ADAMTSL3: variants seen among roughly 807,000 people sequenced by gnomAD.
The protein encoded by ADAMTSL3 is ADAMTS like 3, also known as ADAMTS-like protein 3.
Under a neutral mutation model 201.7 loss-of-function variants are expected in ADAMTSL3, and 128 were observed. That is an observed-to-expected ratio of 0.63 (90% CI 0.55 to 0.73). The LOEUF is 0.73. Ranked by LOEUF, ADAMTSL3 falls within the 30% of genes least tolerant of loss-of-function variation. The pLI is 0.00. For synonymous variants in ADAMTSL3, 738 were observed against 748.4 expected (o/e 0.99, Z 0.23); for missense variants, 1,990 against 2,119.6 (o/e 0.94, Z 1.20).
intron 7 of ADAMTSL3, among the ~76,000 whole-genome samples, chr15:83,845,261 C>T (rs533130400): frequency 6.6e-6 from 1 of 152,342 alleles, no homozygotes; most frequent in South Asian, 2.1e-4. Flanking sequence ...GTTTGCCTCT[C>T]CCACTAGTAA....
At chr15:84,014,214 CCTT>C (rs1454410831) in intron 23 of ADAMTSL3, among the ~76,000 whole-genome samples, 1 of 152,160 alleles carries the variant, frequency 6.6e-6, no homozygotes, top group Non-Finnish European at 1.5e-5. Flanking sequence ...TTCACCGACT[CCTT>C]CTTTCCAACC....
At chr15:83,700,128 A>C (rs186136977) in intron 2 of ADAMTSL3, among the ~76,000 whole-genome samples, 1 of 152,198 alleles carries the variant, frequency 6.6e-6, no homozygotes, top group Non-Finnish European at 1.5e-5. Flanking sequence ...TGCATGGTCA[A>C]CTGAATATAA....
At chr15:83,691,201 G>A (rs2061603625) in intron 2 of ADAMTSL3, among the ~76,000 whole-genome samples, 1 of 152,126 alleles carries the variant, frequency 6.6e-6, no homozygotes, top group Non-Finnish European at 1.5e-5. Flanking sequence ...TCTCCTCAGG[G>A]AACTTTTTTT....
intron 20 of ADAMTSL3, among the ~76,000 whole-genome samples, chr15:83,978,010 G>A (rs1013203981): frequency 1.3e-5 from 2 of 152,226 alleles, no homozygotes; most frequent in African/African-American, 2.4e-5. Flanking sequence ...GGGAGGAGTG[G>A]AAACCAGCAC....
intron 15 of ADAMTSL3, 94 bp from the exon 16 acceptor site, chr15:83,912,997 AT>A: frequency 1.5e-6 from 2 of 1,353,436 alleles, no homozygotes; most frequent in Non-Finnish European, 2.0e-6. Flanking sequence ...GAAGCTGGTT[AT>A]TTTTGCCTTC....
rs1567170005 is a variant in ADAMTSL3 at position 83,823,969 on chromosome 15, T to TCCTC, written c.600+3923_600+3924insCTCC. ...TTCTTCTTCTTCTTCTTCTTCTTCT[T>TCCTC]CTTCTCCTCCTCCTCCTCCTCCTTC... On this transcript the variant is annotated intron_variant, in intron 6 of 29. Coordinates refer to ENST00000286744, the MANE Select transcript of ADAMTSL3 (RefSeq NM_207517.3). Among the ~76,000 whole-genome samples the TCCTC allele has an allele frequency of 2.1e-4, 14 of 67,300 alleles. 1 individual carries two copies. The South Asian group carries it at 2.2e-3, about 11-fold the overall frequency. 44.2% of individuals were successfully genotyped at this position (67,300 alleles called of 152,430 possible).
chr15:83,872,680 G>GTCTTTC lies in ADAMTSL3; in HGVS notation c.960+1723_960+1724insTTTCTC, dbSNP rs1441187001. Among the ~76,000 whole-genome samples, 155 of 144,842 alleles carry GTCTTTC rather than the reference G, an allele frequency of 1.1e-3. 1 individual carries two copies. Among genetic ancestry groups the GTCTTTC allele is most frequent in the East Asian group, 2.5e-3 (11 of 4,450 alleles). On this transcript the variant is annotated intron_variant, in intron 9 of 29. Transcript: ENST00000286744. ...CTCAGAGAATCTGTATTCTTCTCAA[G>GTCTTTC]TCAACTTGGAGGTCCTTGACTGAAT...
chr15:83,847,651 A>C (rs187315294), intron 7 of ADAMTSL3, among the ~76,000 whole-genome samples: 4 of 152,170 alleles, frequency 2.6e-5, no homozygotes, highest in African/African-American at 9.6e-5. Flanking sequence ...ACGTGCCACC[A>C]TGCCCGGCTA....
chr15:83,892,834 G>A lies in ADAMTSL3; in HGVS notation c.1413G>A (p.Met471Ile), dbSNP rs1304892872. ...KCMYAPKPKVMQTCNLFDCPK... is the reference protein window; with the variant it reads ...KCMYAPKPKVIQTCNLFDCPK... ...TGTACGCACCCAAACCCAAGGTTAT[G>A]CAAACTTGTAATCTGTTTGATTGCC... The change falls in exon 13 of 30, where the codon ATG (methionine) becomes ATA (isoleucine). Residue 471 changes from methionine (M) to isoleucine (I), a missense_variant. Transcript: ENST00000286744. 6 of 1,613,992 alleles carry A rather than the reference G, an allele frequency of 3.7e-6. No homozygotes were observed. The highest frequency in any genetic ancestry group is 1.3e-5 in the African/African-American group (1 of 74,922).
At chr15:84,013,533 G>A (rs971876192) in intron 23 of ADAMTSL3, among the ~76,000 whole-genome samples, 2 of 152,196 alleles carry the variant, frequency 1.3e-5, no homozygotes, top group Non-Finnish European at 2.9e-5. Flanking sequence ...CAGGTGCAGT[G>A]GGAGGCTGAG....
intron 3 of ADAMTSL3, among the ~76,000 whole-genome samples, chr15:83,707,081 A>G (rs2061863560): frequency 6.6e-6 from 1 of 152,196 alleles, no homozygotes; most frequent in South Asian, 2.1e-4. Context: ...GCATATGACA[A>G]AACATTAAGA....
At chr15:83,844,814 T>G (rs746098198) in intron 7 of ADAMTSL3, among the ~76,000 whole-genome samples, 4 of 152,204 alleles carry the variant, frequency 2.6e-5, no homozygotes, top group Non-Finnish European at 5.9e-5. Context: ...CAAAGGAATG[T>G]CATAGATTGT....
chr15:83,778,299 A>G lies in ADAMTSL3; in HGVS notation c.317+4649A>G, dbSNP rs182479960. Among the ~76,000 whole-genome samples, 449 of 152,264 alleles carry G rather than the reference A, an allele frequency of 2.9e-3. 1 individual carries two copies. The highest frequency in any genetic ancestry group is 5.8e-3 in the Non-Finnish European group (393 of 68,002). ...GAGAACCCCAGTAAAATACTTCCCA[A>G]GAAGATCATCCCAAGAGACATAGCC... On this transcript the variant is annotated intron_variant, in intron 4 of 29. Coordinates refer to ENST00000286744, the MANE Select transcript of ADAMTSL3 (RefSeq NM_207517.3).
intron 4 of ADAMTSL3, among the ~76,000 whole-genome samples, chr15:83,793,664 A>T (rs1272334008): frequency 2.6e-5 from 4 of 152,116 alleles, no homozygotes; most frequent in Admixed American, 2.0e-4. Flanking sequence ...TTTGGTAGAG[A>T]TGGGGTTTCA....
At chr15:83,776,123 A>T (rs927900173) in intron 4 of ADAMTSL3, among the ~76,000 whole-genome samples, 1 of 152,196 alleles carries the variant, frequency 6.6e-6, no homozygotes, top group African/African-American at 2.4e-5. Flanking sequence ...TTGGTGACAC[A>T]TATTGAACTC....
At chr15:83,958,799 T>C (rs1422107157) in intron 19 of ADAMTSL3, among the ~76,000 whole-genome samples, 2 of 151,898 alleles carry the variant, frequency 1.3e-5, no homozygotes, top group Non-Finnish European at 2.9e-5. Flanking sequence ...GAATGTAAAA[T>C]GATAGCTGAC....
intron 17 of ADAMTSL3, among the ~76,000 whole-genome samples, chr15:83,934,310 G>A (rs1039761811): frequency 3.3e-5 from 5 of 152,196 alleles, no homozygotes. Flanking sequence ...AGATTTTACT[G>A]CCCAGCTAAA....
rs773617723 is a variant in ADAMTSL3 at position 83,984,172 on chromosome 15, G to A, written c.3716+828G>A. 2.6e-5 allele frequency among the ~76,000 whole-genome samples: 4 copies of A among 152,104 alleles called. 1 individual carries two copies. The highest frequency in any genetic ancestry group is 5.9e-5 in the Non-Finnish European group (4 of 68,018). On this transcript the variant is annotated intron_variant, in intron 21 of 29. Transcript: ENST00000286744. ...TTGTATACAAAGTACTATAGACATT[G>A]TGCCTTCTTTTGATTCACATGTAAG...
At chr15:83,921,858 A>AT (rs34208012) in intron 16 of ADAMTSL3, among the ~76,000 whole-genome samples, 2 of 150,016 alleles carry the variant, frequency 1.3e-5, no homozygotes, top group Non-Finnish European at 3.0e-5. Context: ...TAATTTTTGT[A>AT]TTTTTTTTTT....
Sources: allele counts gnomAD v4.1 joint callset (sites outside exome capture counted in the v4.1 genomes callset), GRCh38; gene constraint gnomAD v4.1.1; transcripts MANE v1.5; gene names NCBI Gene and HGNC (gene_info 2026-07-23, HGNC 2026-07-21).